The following KCNMA1 variants were observed in gnomAD, a reference collection of about 807,000 sequenced individuals.
KCNMA1 encodes Calcium-activated potassium channel subunit alpha-1.
KCNMA1 carries 29 observed loss-of-function variants against 140.0 expected under a neutral mutation model. The ratio of observed to expected loss-of-function variants is 0.21; its 90% confidence interval spans 0.15 to 0.28. KCNMA1 has a LOEUF of 0.28. Among genes scored for constraint, KCNMA1 ranks in the 10% least tolerant of loss-of-function variants. The pLI, the probability that KCNMA1 is intolerant of heterozygous loss-of-function variation, is 1.00. For missense variants in KCNMA1, 880 were observed against 1,602.2 expected (o/e 0.55, Z 7.70); for synonymous variants, 612 against 611.9 (o/e 1.00, Z 0.00).
At chr10:76,949,469 T>C in intron 21 of KCNMA1, 103 bp from the exon 22 acceptor site, 4 of 949,344 alleles carry the variant, frequency 4.2e-6, no homozygotes, top group Non-Finnish European at 6.7e-6. Flanking sequence ...AAATATTTGC[T>C]GAGAGCTTAC....
At chr10:77,304,010 G>A (rs2077106433) in intron 2 of KCNMA1, among the ~76,000 whole-genome samples, 1 of 152,150 alleles carries the variant, frequency 6.6e-6, no homozygotes, top group Admixed American at 6.5e-5. Context: ...ATGTTTTCAT[G>A]CCTTGACCCA....
intron 5 of KCNMA1, among the ~76,000 whole-genome samples, chr10:77,121,260 C>T (rs536023188): frequency 1.3e-5 from 2 of 152,190 alleles, no homozygotes; most frequent in East Asian, 3.9e-4. Flanking sequence ...ATAAAGGTGG[C>T]CTGTTTGGAA....
At chr10:77,011,873 T>C (rs558382423) in intron 18 of KCNMA1, 94 bp downstream of exon 18, 13 of 1,061,104 alleles carry the variant, frequency 1.2e-5, no homozygotes, top group African/African-American at 1.1e-4. Context: ...AAACTCTCGA[T>C]GTTTAGTGTT....
At chr10:77,577,126 C>A (rs1216858622) in intron 1 of KCNMA1, among the ~76,000 whole-genome samples, 1 of 151,710 alleles carries the variant, frequency 6.6e-6, no homozygotes, top group Non-Finnish European at 1.5e-5. Context: ...CGGCTCACTG[C>A]AACCTCTGCC....
intron 2 of KCNMA1, among the ~76,000 whole-genome samples, chr10:77,308,622 G>A (rs2078437642): frequency 6.6e-6 from 1 of 152,172 alleles, no homozygotes; most frequent in Admixed American, 6.5e-5. Flanking sequence ...ATGAAGCAAA[G>A]CAGCTGTAAG....
At chr10:77,018,830 T>C (rs948270307) in intron 17 of KCNMA1, among the ~76,000 whole-genome samples, 183 bp downstream of exon 17, 2 of 152,164 alleles carry the variant, frequency 1.3e-5, no homozygotes. Context: ...TAAAATTTTA[T>C]TATTCTCATT....
intron 1 of KCNMA1, among the ~76,000 whole-genome samples, chr10:77,574,446 A>C (rs1456705646): frequency 2.6e-5 from 4 of 152,170 alleles, no homozygotes; most frequent in Admixed American, 6.5e-5. Context: ...TTTTTAACAC[A>C]AACATCCTGT....
chr10:77,557,352 G>A (rs1041384082), intron 1 of KCNMA1, among the ~76,000 whole-genome samples: 4 of 152,182 alleles, frequency 2.6e-5, no homozygotes, highest in African/African-American at 7.2e-5. Flanking sequence ...GGCGTGCCCT[G>A]GGCATAAAGG....
At chr10:77,169,401 T>G (rs912710159) in intron 5 of KCNMA1, among the ~76,000 whole-genome samples, 1 of 152,136 alleles carries the variant, frequency 6.6e-6, no homozygotes, top group African/African-American at 2.4e-5. Flanking sequence ...ATTTTTATTT[T>G]TTTTTTAAGA....
intron 1 of KCNMA1, among the ~76,000 whole-genome samples, chr10:77,532,049 TGAAGAG>T (rs2057758095): frequency 6.6e-6 from 1 of 151,866 alleles, no homozygotes. Flanking sequence ...CAAAGAAAAA[TGAAGAG>T]GAAAACTACC....
At chr10:76,994,520 T>C (rs1310467192) in intron 19 of KCNMA1, among the ~76,000 whole-genome samples, 1 of 152,230 alleles carries the variant, frequency 6.6e-6, no homozygotes, top group Non-Finnish European at 1.5e-5. Context: ...CCCTTGGTGA[T>C]GCAGTATACA....
chr10:77,436,122 C>T (rs2097258136), intron 1 of KCNMA1, among the ~76,000 whole-genome samples: 1 of 152,214 alleles, frequency 6.6e-6, no homozygotes, highest in Non-Finnish European at 1.5e-5. Flanking sequence ...TTCCTAAGAC[C>T]TGCTGGGGGA....
intron 1 of KCNMA1, among the ~76,000 whole-genome samples, chr10:77,528,027 C>T (rs1173689202): frequency 6.6e-6 from 1 of 152,144 alleles, no homozygotes; most frequent in Admixed American, 6.5e-5. Context: ...AGCTGTGTGA[C>T]CTTGGGTATG....
At chr10:77,341,999 A>G (rs577612896) in intron 2 of KCNMA1, among the ~76,000 whole-genome samples, 110 of 152,254 alleles carry the variant, frequency 7.2e-4, no homozygotes, top group Admixed American at 1.6e-3. Context: ...TGGTGAGGGG[A>G]GCAAGTCACC....
chr10:77,552,097 G>A (rs2063001773), intron 1 of KCNMA1, among the ~76,000 whole-genome samples: 1 of 152,162 alleles, frequency 6.6e-6, no homozygotes, highest in African/African-American at 2.4e-5. Flanking sequence ...GAAAGGATTT[G>A]GTTGCAGAAG....
intron 18 of KCNMA1, among the ~76,000 whole-genome samples, chr10:77,006,074 G>A (rs904157476): frequency 6.6e-6 from 1 of 152,178 alleles, no homozygotes; most frequent in Non-Finnish European, 1.5e-5. Context: ...ATGGAAGGAA[G>A]AATTGGATTC....
At position 76,885,121 on chromosome 10, in the gene KCNMA1, T is replaced by C. The variant is rs1404969495; in HGVS notation, c.*2145A>G. ...CACATTCTTATAGTTATAAATGTTC[T>C]GAGGGCGTAACTTTATAACCTCCTT... is the stretch of plus-strand genomic sequence containing the variant. On this transcript the variant is annotated 3_prime_UTR_variant, in exon 28 of 28. Transcript: ENST00000286628. 6.7e-6 allele frequency: 10 copies of C among 1,485,170 alleles called. No individual in the cohort carries two copies. Among genetic ancestry groups the C allele is most frequent in the Admixed American group, 2.3e-5 (1 of 43,464 alleles). The allele number at this position is 1,485,170 out of a possible 1,614,324, so 92.0% of individuals were successfully genotyped here.
Position 77,090,373 on chromosome 10 carries a change from G to A in KCNMA1, c.1334+27C>T, listed in dbSNP as rs200866166. On this transcript the variant is annotated intron_variant, in intron 10 of 27. Transcript: ENST00000286628. ...TCGCAGGGTGTGTGGTTGGGCAGAG[G>A]GTCTGACAGCAGTAGGAAGCTCTTA... The A allele has an allele frequency of 7.0e-6, 10 of 1,432,720 alleles. No homozygotes were observed. The African/African-American group carries it at 1.1e-4, about 16-fold the overall frequency. The allele number at this position is 1,432,720 out of a possible 1,614,324, so 88.8% of individuals were successfully genotyped here.
chr10:77,481,041 C>A (rs891120725), intron 1 of KCNMA1, among the ~76,000 whole-genome samples: 1 of 151,280 alleles, frequency 6.6e-6, no homozygotes, highest in Non-Finnish European at 1.5e-5. Context: ...AATCTCGAAC[C>A]TGGAAGGGGG....
Sources: allele counts gnomAD v4.1 joint callset (sites outside exome capture counted in the v4.1 genomes callset), GRCh38; gene constraint gnomAD v4.1.1; transcripts MANE v1.5; gene names NCBI Gene and HGNC (gene_info 2026-07-23, HGNC 2026-07-21).